MAPK8IP3: variants seen among roughly 807,000 people sequenced by gnomAD.
MAPK8IP3 encodes the protein C-Jun-amino-terminal kinase-interacting protein 3.
A neutral mutation model predicts 157.8 loss-of-function variants in MAPK8IP3; 49 were observed. That is an observed-to-expected ratio of 0.31 (90% CI 0.25 to 0.39). MAPK8IP3 has a LOEUF of 0.39. Ranked by LOEUF, MAPK8IP3 falls within the 10% of genes least tolerant of loss-of-function variation. MAPK8IP3 has a pLI of 1.00. For missense variants in MAPK8IP3, 1,478 were observed against 1,889.4 expected (o/e 0.78, Z 4.04); for synonymous variants, 897 against 777.7 (o/e 1.15, Z -2.55).
chr16:1,763,805 A>ACCGGGCGGGGC (rs2042091903), intron 17 of MAPK8IP3, 22 bp downstream of exon 17: 4 of 1,209,930 alleles, frequency 3.3e-6, no homozygotes, highest in Non-Finnish European at 4.2e-6. Context: ...CGCTGCGGGG[A>ACCGGGCGGGGC]CCGGGCGGGG....
At chr16:1,717,400 A>G (rs1478242794) in intron 1 of MAPK8IP3, among the ~76,000 whole-genome samples, 5 of 152,228 alleles carry the variant, frequency 3.3e-5, no homozygotes, top group African/African-American at 9.6e-5. Context: ...ATTGGTACCT[A>G]GATGTGAGAG....
Position 1,765,047 on chromosome 16 carries a change from G to A in MAPK8IP3, c.2315G>A (p.Ser772Asn). The A allele has an allele frequency of 6.2e-7, 1 of 1,611,152 alleles. No homozygotes were observed. The highest frequency in any genetic ancestry group is 8.5e-7 in the Non-Finnish European group (1 of 1,178,576). Residue 772 changes from serine (S) to asparagine (N), a missense_variant, in exon 20 of 32, where the codon AGC becomes AAC. By Grantham distance (46) the Ser-to-Asn change is conservative. Around this residue, in one of 11 missense-constraint regions of MAPK8IP3, gnomAD observed 669 missense variants for 759.8 expected, o/e 0.88. Transcript: ENST00000610761. Reference sequence around the variant, plus strand: ...CTCCCTGAAATGGACGCCACCTCCAGCCGGGTGTGGATCCTGACCAGCACC... The same window carrying A: ...CTCCCTGAAATGGACGCCACCTCCAACCGGGTGTGGATCCTGACCAGCACC... ...KELPEMDATS[S>N]RVWILTSTLT...
intron 4 of MAPK8IP3, among the ~76,000 whole-genome samples, chr16:1,734,313 CT>C (rs1447962433): frequency 2.0e-5 from 3 of 152,246 alleles, no homozygotes; most frequent in African/African-American, 7.2e-5. Flanking sequence ...TGGGCTACCC[CT>C]GCCTCCCTCC....
chr16:1,737,680 C>G (rs188750195), intron 4 of MAPK8IP3, among the ~76,000 whole-genome samples: 7 of 59,124 alleles, frequency 1.2e-4, no homozygotes, highest in Admixed American at 2.3e-4. Flanking sequence ...GAGCGTGTGA[C>G]CGTCCGTGTG....
In MAPK8IP3 at chr16:1,764,102, C is replaced by G. The variant is rs538583573; in HGVS notation, c.2026-13C>G. Reference sequence around the variant, plus strand: ...CAGGGTTCGTGCCCACGGCGCCTCCCTGCTCCCTGCAGCTGAGTCCCAACG... The same window carrying G: ...CAGGGTTCGTGCCCACGGCGCCTCCGTGCTCCCTGCAGCTGAGTCCCAACG... On this transcript the variant is annotated splice_polypyrimidine_tract_variant and intron_variant, in intron 17 of 31. Coordinates refer to ENST00000610761, the MANE Select transcript of MAPK8IP3 (RefSeq NM_001318852.2). The G allele has an allele frequency of 1.3e-6, 2 of 1,599,562 alleles. No individual in the cohort carries two copies. Among genetic ancestry groups the G allele is most frequent in the African/African-American group, 1.3e-5 (1 of 74,826 alleles).
chr16:1,758,193 T>A, intron 9 of MAPK8IP3, 34 bp downstream of exon 9: 1 of 1,612,008 alleles, frequency 6.2e-7, no homozygotes, highest in East Asian at 2.2e-5. Context: ...GTCTCCCCTC[T>A]GTGTGACGGG....
intron 4 of MAPK8IP3, among the ~76,000 whole-genome samples, chr16:1,739,357 C>T (rs373384628): frequency 7.5e-5 from 10 of 132,488 alleles, no homozygotes; most frequent in East Asian, 4.9e-4. Context: ...TGTGAGCATC[C>T]GTGTGAGCAT....
In MAPK8IP3 at chr16:1,757,567, G is replaced by A. The variant is rs77388955; in HGVS notation, c.1217-581G>A. Among the ~76,000 whole-genome samples the A allele has an allele frequency of 1.0e-3, 155 of 152,200 alleles. No individual in the cohort carries two copies. The East Asian group carries it at 0.021, about 20-fold the overall frequency. ...AGGACCCAGTGAGGATGCCTCGCCC[G>A]CCCCACGCTCCCCAGCCCTCCTCTG... On this transcript the variant is annotated intron_variant, in intron 8 of 31. Coordinates refer to ENST00000610761, the MANE Select transcript of MAPK8IP3 (RefSeq NM_001318852.2).
rs560025471 is a variant in MAPK8IP3, at chr16:1,733,939, C to T, written c.602+4361C>T. ...GGCACACAGGACCTTTGGCACCGGCCGTGGGAGCAACGCCAGCAGCAGTGG... is the reference window on the plus strand; with the variant it reads ...GGCACACAGGACCTTTGGCACCGGCTGTGGGAGCAACGCCAGCAGCAGTGG... On this transcript the variant is annotated intron_variant, in intron 4 of 31. Transcript: ENST00000610761. Among the ~76,000 whole-genome samples the T allele has an allele frequency of 1.2e-3, 188 of 152,376 alleles. 3 individuals are homozygous for T. The highest frequency in any genetic ancestry group is 4.6e-4 in the Admixed American group (7 of 15,314).
chr16:1,746,733 C>A, intron 5 of MAPK8IP3: 1 of 433,684 alleles, frequency 2.3e-6, no homozygotes, highest in Non-Finnish European at 4.2e-6. Context: ...GGCACTGGCC[C>A]ATTACAAGCA....
At position 1,766,885 on chromosome 16, in the gene MAPK8IP3, C is replaced by T. The variant is rs753740757; in HGVS notation, c.3021-19C>T. 4.4e-6 allele frequency: 7 copies of T among 1,606,438 alleles called. No homozygotes were observed. The East Asian group carries it at 1.3e-4, about 31-fold the overall frequency. ...GGCACAGCCTGGCCCAAACCAGGCT[C>T]ACCGCATTCCTGTTTCAGGCATGTC... On this transcript the variant is annotated intron_variant, in intron 24 of 31. Coordinates refer to ENST00000610761, the MANE Select transcript of MAPK8IP3 (RefSeq NM_001318852.2).
intron 4 of MAPK8IP3, among the ~76,000 whole-genome samples, chr16:1,738,829 CCG>C (rs2040333786): frequency 3.0e-5 from 4 of 134,892 alleles, no homozygotes; most frequent in Admixed American, 7.7e-5. Context: ...GTGTGACCGT[CCG>C]TGTGAGCGTC....
intron 15 of MAPK8IP3, 46 bp downstream of exon 15, chr16:1,762,777 A>G: frequency 6.3e-7 from 1 of 1,590,276 alleles, no homozygotes. Context: ...CTGCAGGGGA[A>G]GGGGCAGGGA....
intron 8 of MAPK8IP3, among the ~76,000 whole-genome samples, chr16:1,755,776 C>T (rs541236995): frequency 4.1e-5 from 6 of 148,116 alleles, no homozygotes; most frequent in African/African-American, 7.5e-5. Flanking sequence ...GAACCCGAGA[C>T]GTGGAGGTTG....
At chr16:1,711,701 A>T (rs1371403413) in intron 1 of MAPK8IP3, among the ~76,000 whole-genome samples, 1 of 152,132 alleles carries the variant, frequency 6.6e-6, no homozygotes, top group Non-Finnish European at 1.5e-5. Context: ...CAACACTTTG[A>T]AAGGCCGAGG....
chr16:1,760,666 A>G (rs958749018), intron 12 of MAPK8IP3, 134 bp downstream of exon 12: 108 of 1,125,182 alleles, frequency 9.6e-5, no homozygotes, highest in Non-Finnish European at 1.3e-4. Flanking sequence ...GCTCCAGCTC[A>G]CAGCCACTCC....
intron 2 of MAPK8IP3, among the ~76,000 whole-genome samples, chr16:1,728,312 C>T (rs979932523): frequency 1.3e-5 from 2 of 152,230 alleles, no homozygotes; most frequent in Non-Finnish European, 2.9e-5. Flanking sequence ...CTCCCCAGCC[C>T]TCGGCGTGTG....
chr16:1,768,299 C>T lies in MAPK8IP3; in HGVS notation c.3663C>T (p.Ile1221=), dbSNP rs757573181. The change falls in exon 30 of 32, where the codon ATC becomes ATT. Residue 1221 remains isoleucine (I), a synonymous_variant. Coordinates refer to ENST00000610761, the MANE Select transcript of MAPK8IP3 (RefSeq NM_001318852.2). ...DSSDRAASSF[I]PYCSMAQAQL... is the part of the protein sequence containing the mutation. ...GTGACAGGGCGGCCAGCAGCTTCAT[C>T]CCCTACTGCTCCATGGCCCAGGCCC... The T allele has an allele frequency of 1.2e-6, 2 of 1,610,402 alleles. No homozygotes were observed. The highest frequency in any genetic ancestry group is 2.2e-5 in the East Asian group (1 of 44,880).
intron 8 of MAPK8IP3, among the ~76,000 whole-genome samples, chr16:1,755,552 T>C (rs2041542927): frequency 6.6e-6 from 1 of 151,830 alleles, no homozygotes; most frequent in Admixed American, 6.6e-5. Flanking sequence ...CAAAGGATAG[T>C]AGAACTGGAA....
Sources: allele counts gnomAD v4.1 joint callset (sites outside exome capture counted in the v4.1 genomes callset), GRCh38; gene constraint gnomAD v4.1.1; regional missense constraint gnomAD v4.1.1; transcripts MANE v1.5; gene names NCBI Gene and HGNC (gene_info 2026-07-23, HGNC 2026-07-21).